Variants in KCNK13 observed in about 807,000 individuals in gnomAD.
The protein encoded by KCNK13 is potassium two pore domain channel subfamily K member 13.
A neutral mutation model predicts 23.4 loss-of-function variants in KCNK13; 12 were observed. The ratio of observed to expected loss-of-function variants is 0.51; its 90% CI spans 0.33 to 0.83. KCNK13 has a LOEUF of 0.83. Among genes scored for constraint, KCNK13 ranks in the 40% least tolerant of loss-of-function variants. KCNK13 has a pLI of 0.02. For synonymous variants in KCNK13, 231 were observed against 229.5 expected (o/e 1.01, Z -0.06); for missense variants, 463 against 556.3 (o/e 0.83, Z 1.69).
intron 1 of KCNK13, among the ~76,000 whole-genome samples, chr14:90,097,618 C>A (rs2140404412): frequency 6.6e-6 from 1 of 152,246 alleles, no homozygotes; most frequent in East Asian, 1.9e-4. Flanking sequence ...CATTGACTGC[C>A]ACAAACTGTA....
chr14:90,102,103 G>A (rs993174791), intron 1 of KCNK13, among the ~76,000 whole-genome samples: 2 of 152,014 alleles, frequency 1.3e-5, no homozygotes, highest in Non-Finnish European at 2.9e-5. Context: ...GGCTGGTCTC[G>A]AGCTCCCGAC....
At chr14:90,121,758 C>T (rs532228187) in intron 1 of KCNK13, among the ~76,000 whole-genome samples, 1 of 152,068 alleles carries the variant, frequency 6.6e-6, no homozygotes, top group Non-Finnish European at 1.5e-5. Context: ...CTCGCTCTGT[C>T]GCCAAGGCTG....
At chr14:90,092,083 G>A (rs1215605471) in intron 1 of KCNK13, among the ~76,000 whole-genome samples, 2 of 151,878 alleles carry the variant, frequency 1.3e-5, no homozygotes, top group Admixed American at 1.3e-4. Flanking sequence ...CACCACACCT[G>A]GCTAATTTTT....
intron 1 of KCNK13, among the ~76,000 whole-genome samples, chr14:90,141,793 T>TTGG (rs1475260450): frequency 0.015 from 262 of 17,890 alleles, 7 homozygotes; most frequent in East Asian, 0.027. Context: ...GTTTTGTTTT[T>TTGG]TGGGGGGGGG....
intron 1 of KCNK13, among the ~76,000 whole-genome samples, chr14:90,113,926 CTG>C (rs1239675524): frequency 1.3e-5 from 2 of 151,850 alleles, no homozygotes; most frequent in Non-Finnish European, 2.9e-5. Context: ...GAGTGAGACT[CTG>C]TCTCAAAAGA....
intron 1 of KCNK13, among the ~76,000 whole-genome samples, chr14:90,095,384 T>C (rs1889398805): frequency 6.6e-6 from 1 of 152,222 alleles, no homozygotes. Context: ...GACAGAGCCT[T>C]GGTAGCACCA....
At chr14:90,125,878 G>T (rs879784951) in intron 1 of KCNK13, among the ~76,000 whole-genome samples, 1 of 151,948 alleles carries the variant, frequency 6.6e-6, no homozygotes, top group Non-Finnish European at 1.5e-5. Flanking sequence ...ACAAAAATTA[G>T]CTGGGCGTGG....
chr14:90,133,383 T>C (rs961507134), intron 1 of KCNK13, among the ~76,000 whole-genome samples: 2 of 152,000 alleles, frequency 1.3e-5, no homozygotes, highest in African/African-American at 2.4e-5. Context: ...GATGGGAGTT[T>C]AAGAGGAAAC....
At chr14:90,165,235 G>A (rs1437464491) in intron 1 of KCNK13, among the ~76,000 whole-genome samples, 2 of 152,144 alleles carry the variant, frequency 1.3e-5, no homozygotes, top group Non-Finnish European at 2.9e-5. Flanking sequence ...AGATTTGGGC[G>A]GGGACACGGC....
chr14:90,130,286 G>A (rs528689018), intron 1 of KCNK13, among the ~76,000 whole-genome samples: 5 of 151,550 alleles, frequency 3.3e-5, no homozygotes, highest in Non-Finnish European at 5.9e-5. Context: ...TGCAGCCTCC[G>A]CCTCCCAGGC....
intron 1 of KCNK13, among the ~76,000 whole-genome samples, chr14:90,136,649 T>C (rs765915520): frequency 2.2e-4 from 33 of 152,312 alleles, no homozygotes; most frequent in Non-Finnish European, 3.8e-4. Context: ...CTGGCTTTCT[T>C]GCCAACTGAG....
chr14:90,123,740 T>G (rs1257810472), intron 1 of KCNK13, among the ~76,000 whole-genome samples: 1 of 152,106 alleles, frequency 6.6e-6, no homozygotes, highest in Admixed American at 6.5e-5. Flanking sequence ...CAAATGTTCC[T>G]CCTGACTCAG....
At position 90,062,141 on chromosome 14, in the gene KCNK13, G is replaced by A; in HGVS notation, c.-65G>A. On this transcript the variant is annotated 5_prime_UTR_variant, in exon 1 of 2. In the 5' UTR this introduces an upstream ATG that the reference lacks. Transcript: ENST00000282146. This position sits in a 1 kb window ranked among gnomAD's most constrained non-coding sequence, Gnocchi z 4.5. ...GCGCCGGGGCCCTTATTTCCCGGGG[G>A]TGTGGGCGAGACTCCGCCGACGCCC... 9.3e-7 allele frequency: 1 copy of A among 1,080,274 alleles called. No individual in the cohort carries two copies. 66.9% of individuals were successfully genotyped at this position (1,080,274 alleles called of 1,614,324 possible).
chr14:90,113,044 G>A, intron 1 of KCNK13, among the ~76,000 whole-genome samples: 1 of 151,716 alleles, frequency 6.6e-6, no homozygotes, highest in South Asian at 2.1e-4. Context: ...CTCCTGAGTA[G>A]CTGGGACCAC....
At chr14:90,070,383 A>G (rs1596763983) in intron 1 of KCNK13, among the ~76,000 whole-genome samples, 1 of 152,230 alleles carries the variant, frequency 6.6e-6, no homozygotes, top group Admixed American at 6.5e-5. Flanking sequence ...CTTACAGTTC[A>G]TCTTCTCTGA....
chr14:90,145,615 C>T (rs1890063584), intron 1 of KCNK13, among the ~76,000 whole-genome samples: 2 of 152,056 alleles, frequency 1.3e-5, no homozygotes, highest in Admixed American at 1.3e-4. Flanking sequence ...AGCACTTCCT[C>T]CTCTTCTATT....
chr14:90,125,952 G>A (rs1889794748), intron 1 of KCNK13, among the ~76,000 whole-genome samples: 1 of 151,968 alleles, frequency 6.6e-6, no homozygotes, highest in African/African-American at 2.4e-5. Flanking sequence ...TGAGCCTGGG[G>A]AGGTTGAGGT....
chr14:90,148,047 A>C (rs11844822), intron 1 of KCNK13, among the ~76,000 whole-genome samples: 9,882 of 152,118 alleles, frequency 0.065, 417 homozygotes, highest in South Asian at 0.21. Flanking sequence ...CCTGTAGTAC[A>C]AGCTATTCGG....
intron 1 of KCNK13, among the ~76,000 whole-genome samples, chr14:90,127,638 C>G (rs1889816905): frequency 9.2e-6 from 1 of 108,278 alleles, no homozygotes; most frequent in African/African-American, 3.6e-5. Context: ...CATCTCAAGA[C>G]CCCCAACTCT....
Sources: gnomAD v4.1 joint callset for allele counts (sites outside exome capture counted in the v4.1 genomes callset) on GRCh38, gnomAD v4.1.1 for gene constraint, Gnocchi (gnomAD v3.1) non-coding constraint, MANE v1.5 for transcripts, NCBI Gene and HGNC (gene_info 2026-07-23, HGNC 2026-07-21) for gene names.